IMMP2L: variants seen among roughly 807,000 people sequenced by gnomAD.
The protein encoded by IMMP2L is mitochondrial inner membrane protease subunit 2.
Under a neutral mutation model 19.3 loss-of-function variants are expected in IMMP2L, and 18 were observed. That is an observed-to-expected ratio of 0.93 (90% CI 0.64 to 1.38). IMMP2L has a LOEUF of 1.38. IMMP2L is among the 40% of genes most tolerant of loss of function. IMMP2L has a pLI of 0.00. For missense variants in IMMP2L, 233 were observed against 218.2 expected (o/e 1.07, Z -0.43); for synonymous variants, 76 against 73.0 (o/e 1.04, Z -0.21).
At chr7:110,816,261 T>C (rs1205296562) in intron 5 of IMMP2L, among the ~76,000 whole-genome samples, 1 of 152,144 alleles carries the variant, frequency 6.6e-6, no homozygotes, top group Non-Finnish European at 1.5e-5. Context: ...TCAGTTTCCA[T>C]GTAGTTGAGC....
At chr7:110,925,684 A>G (rs141472270) in intron 4 of IMMP2L, among the ~76,000 whole-genome samples, 1 of 152,234 alleles carries the variant, frequency 6.6e-6, no homozygotes, top group Non-Finnish European at 1.5e-5. Context: ...TTATTCATTC[A>G]TTTCACAGTC....
intron 5 of IMMP2L, among the ~76,000 whole-genome samples, chr7:110,810,759 A>T (rs1467347706): frequency 2.0e-5 from 3 of 152,082 alleles, no homozygotes; most frequent in Non-Finnish European, 4.4e-5. Flanking sequence ...AAAGTGATTA[A>T]TTATAATAAA....
At chr7:111,043,632 A>T (rs941106340) in intron 3 of IMMP2L, among the ~76,000 whole-genome samples, 4 of 152,354 alleles carry the variant, frequency 2.6e-5, no homozygotes, top group African/African-American at 9.6e-5. Flanking sequence ...GCTATGTTTC[A>T]ATACTGGAAA....
At chr7:111,058,964 T>C (rs1033339660) in intron 3 of IMMP2L, among the ~76,000 whole-genome samples, 1 of 151,944 alleles carries the variant, frequency 6.6e-6, no homozygotes, top group African/African-American at 2.4e-5. Flanking sequence ...CTCACATCTC[T>C]TTTTTTTAAC....
Position 111,032,563 on chromosome 7 carries a change from TG to T in IMMP2L, c.240-68999del, listed in dbSNP as rs374194691. Among the ~76,000 whole-genome samples the T allele has an allele frequency of 2.4e-3, 371 of 152,290 alleles. 3 individuals carry two copies. Among genetic ancestry groups the T allele is most frequent in the African/African-American group, 8.5e-3 (355 of 41,556 alleles). On this transcript the variant is annotated intron_variant, in intron 3 of 5. Transcript: ENST00000405709. ...AGGGCAGAGTCCAGTGGCTTACACC[TG>T]TAATCCCAGCACTTTGGGTGGTCAA...
At position 110,736,371 on chromosome 7, in the gene IMMP2L, G is replaced by T. The variant is rs545144713; in HGVS notation, c.409-72650C>A. ...GCTATAGGGCTGGGGATGCCGAAAA[G>T]AACTTCCACTAGGGCAAATATCCAG... On this transcript the variant is annotated intron_variant, in intron 5 of 5. Transcript: ENST00000405709. 2.6e-5 allele frequency among the ~76,000 whole-genome samples: 4 copies of T among 152,302 alleles called. No individual in the cohort carries two copies. The East Asian group carries it at 7.7e-4, about 29-fold the overall frequency.
intron 3 of IMMP2L, among the ~76,000 whole-genome samples, chr7:111,467,359 C>T (rs1467526346): frequency 2.0e-5 from 3 of 152,152 alleles, no homozygotes. Flanking sequence ...ATTTCCAATT[C>T]TATATACAGT....
At chr7:111,431,479 T>C (rs559536896) in intron 3 of IMMP2L, among the ~76,000 whole-genome samples, 14 of 151,954 alleles carry the variant, frequency 9.2e-5, no homozygotes, top group Admixed American at 7.2e-4. Context: ...CCGCCCAACA[T>C]AGGCAGCCAA....
At chr7:111,086,541 G>T (rs1029754603) in intron 3 of IMMP2L, among the ~76,000 whole-genome samples, 2 of 152,122 alleles carry the variant, frequency 1.3e-5, no homozygotes, top group African/African-American at 4.8e-5. Context: ...CTTTGAAAAA[G>T]AAAATGAGAA....
At chr7:111,506,694 C>A (rs1844940347) in intron 2 of IMMP2L, among the ~76,000 whole-genome samples, 1 of 152,118 alleles carries the variant, frequency 6.6e-6, no homozygotes, top group Non-Finnish European at 1.5e-5. Context: ...CACGCCCGAC[C>A]CTTAATTTTT....
chr7:111,018,100 G>C (rs1303989945), intron 3 of IMMP2L, among the ~76,000 whole-genome samples: 5 of 152,082 alleles, frequency 3.3e-5, no homozygotes, highest in Non-Finnish European at 7.3e-5. Context: ...TCAGTTCTAA[G>C]GCAGCATCAT....
chr7:111,404,221 T>C (rs1833717647), intron 3 of IMMP2L, among the ~76,000 whole-genome samples: 1 of 152,096 alleles, frequency 6.6e-6, no homozygotes, highest in African/African-American at 2.4e-5. Flanking sequence ...AGAATTCAGG[T>C]TGAGTGTGCT....
At chr7:111,200,491 G>A (rs879317320) in intron 3 of IMMP2L, among the ~76,000 whole-genome samples, 1 of 151,832 alleles carries the variant, frequency 6.6e-6, no homozygotes, top group Admixed American at 6.6e-5. Flanking sequence ...TATTTTGTTT[G>A]TCTACTTTCC....
At chr7:110,859,973 T>A (rs1807219813) in intron 5 of IMMP2L, among the ~76,000 whole-genome samples, 1 of 152,104 alleles carries the variant, frequency 6.6e-6, no homozygotes, top group Admixed American at 6.6e-5. Flanking sequence ...AAACTGATGT[T>A]ATATTTTTAA....
At chr7:111,150,564 C>T (rs1314922867) in intron 3 of IMMP2L, among the ~76,000 whole-genome samples, 2 of 152,172 alleles carry the variant, frequency 1.3e-5, no homozygotes, top group African/African-American at 4.8e-5. Flanking sequence ...ACAATTCAAA[C>T]ATGAAACAAA....
At chr7:110,960,688 T>A (rs1000782418) in intron 4 of IMMP2L, among the ~76,000 whole-genome samples, 2 of 151,904 alleles carry the variant, frequency 1.3e-5, no homozygotes, top group African/African-American at 4.8e-5. Context: ...GTCACCAAGT[T>A]CTTCTAGTTT....
At chr7:111,422,157 T>C (rs1835624060) in intron 3 of IMMP2L, among the ~76,000 whole-genome samples, 1 of 151,832 alleles carries the variant, frequency 6.6e-6, no homozygotes, top group Non-Finnish European at 1.5e-5. Flanking sequence ...TCAGGTAGCA[T>C]GATGCCTCCA....
chr7:110,899,372 C>A (rs1208368969), intron 4 of IMMP2L, among the ~76,000 whole-genome samples: 1 of 152,084 alleles, frequency 6.6e-6, no homozygotes, highest in East Asian at 1.9e-4. Flanking sequence ...ACTGAATATT[C>A]CTTTATATAA....
intron 5 of IMMP2L, among the ~76,000 whole-genome samples, chr7:110,766,918 C>T (rs1798702356): frequency 6.6e-6 from 1 of 152,190 alleles, no homozygotes; most frequent in Admixed American, 6.5e-5. Flanking sequence ...CCCAGGGCTT[C>T]TGAGGAAACT....
Sources: gnomAD v4.1 joint callset for allele counts (sites outside exome capture counted in the v4.1 genomes callset) on GRCh38, gnomAD v4.1.1 for gene constraint, MANE v1.5 for transcripts, NCBI Gene and HGNC (gene_info 2026-07-23, HGNC 2026-07-21) for gene names.